Variants in NAALADL2 observed in about 807,000 individuals in gnomAD.
NAALADL2 encodes the protein inactive N-acetylated-alpha-linked acidic dipeptidase-like protein 2.
In NAALADL2, 76 loss-of-function variants were observed where a neutral mutation model predicts 87.2. That is an observed-to-expected ratio of 0.87 (90% CI 0.72 to 1.05). The LOEUF is 1.05. Among genes scored for constraint, NAALADL2 ranks in the 50% least tolerant of loss-of-function variants. The pLI is 0.00. For synonymous variants in NAALADL2, 354 were observed against 331.0 expected (o/e 1.07, Z -0.75); for missense variants, 1,089 against 945.8 (o/e 1.15, Z -1.99).
chr3:175,127,536 G>A (rs899034872), intron 2 of NAALADL2, among the ~76,000 whole-genome samples: 1 of 152,122 alleles, frequency 6.6e-6, no homozygotes, highest in African/African-American at 2.4e-5. Context: ...GATATTAATA[G>A]AATCTGAAGA....
chr3:174,517,743 C>T (rs1041780496), intron 1 of NAALADL2, among the ~76,000 whole-genome samples: 1 of 152,076 alleles, frequency 6.6e-6, no homozygotes, highest in African/African-American at 2.4e-5. Flanking sequence ...ATTGATGATA[C>T]AAGGAATTAT....
intron 4 of NAALADL2, among the ~76,000 whole-genome samples, chr3:175,322,038 G>A (rs940048187): frequency 5.3e-5 from 8 of 151,770 alleles, no homozygotes; most frequent in African/African-American, 9.7e-5. Context: ...AAGTCAATCC[G>A]AAGCCAAAAG....
intron 3 of NAALADL2, among the ~76,000 whole-genome samples, chr3:174,825,315 T>TG (rs1221866294): frequency 2.0e-5 from 3 of 152,162 alleles, no homozygotes; most frequent in Admixed American, 1.3e-4. Context: ...CCTGATAACT[T>TG]GGGGGAAGTC....
At chr3:174,845,890 G>A (rs1396160403) in intron 3 of NAALADL2, among the ~76,000 whole-genome samples, 1 of 152,204 alleles carries the variant, frequency 6.6e-6, no homozygotes, top group African/African-American at 2.4e-5. Flanking sequence ...AATGGACGAG[G>A]TTGGTGGTCA....
intron 6 of NAALADL2, among the ~76,000 whole-genome samples, chr3:175,458,305 T>A (rs1722621362): frequency 6.6e-6 from 1 of 151,820 alleles, no homozygotes; most frequent in African/African-American, 2.4e-5. Context: ...TACATTTGTA[T>A]GTAAGTATAT....
intron 13 of NAALADL2, among the ~76,000 whole-genome samples, chr3:175,787,852 G>A (rs887737395): frequency 6.6e-6 from 1 of 152,074 alleles, no homozygotes; most frequent in Admixed American, 6.6e-5. Flanking sequence ...AAATTACAAA[G>A]TTCATAAAGT....
intron 10 of NAALADL2, among the ~76,000 whole-genome samples, chr3:175,586,757 C>T (rs1472560596): frequency 6.6e-6 from 1 of 152,100 alleles, no homozygotes; most frequent in African/African-American, 2.4e-5. Flanking sequence ...ATACTACATG[C>T]TTACAAATAA....
intron 1 of NAALADL2, among the ~76,000 whole-genome samples, chr3:175,031,465 C>T (rs1050317532): frequency 3.3e-5 from 5 of 151,980 alleles, no homozygotes; most frequent in African/African-American, 1.2e-4. Context: ...TTTTTTATTG[C>T]TGCGTAGTAT....
chr3:174,818,577 G>T (rs1721052034), intron 3 of NAALADL2, among the ~76,000 whole-genome samples: 1 of 152,080 alleles, frequency 6.6e-6, no homozygotes, highest in Non-Finnish European at 1.5e-5. Context: ...TGTCACCTTT[G>T]TCTTGGATTT....
At chr3:175,678,120 A>G (rs1208433081) in intron 11 of NAALADL2, among the ~76,000 whole-genome samples, 1 of 152,184 alleles carries the variant, frequency 6.6e-6, no homozygotes, top group Non-Finnish European at 1.5e-5. Flanking sequence ...TCAGAGGTTA[A>G]GTTTTCTTTT....
At chr3:175,035,012 A>G (rs1447661840) in intron 1 of NAALADL2, among the ~76,000 whole-genome samples, 1 of 152,176 alleles carries the variant, frequency 6.6e-6, no homozygotes, top group Non-Finnish European at 1.5e-5. Context: ...TAGGTATTCA[A>G]GAGATATTTG....
chr3:174,604,099 T>A lies in NAALADL2; in HGVS notation c.-115+53462T>A, dbSNP rs140738407. ...TTTATTTGGTCTATAGTGCAATTTA[T>A]ATCCAATATTTTTGTTGTCGTTGAT... On this transcript the variant is annotated intron_variant, in intron 2 of 3. Coordinates refer to the NAALADL2 transcript ENST00000434257. 4.8e-4 allele frequency among the ~76,000 whole-genome samples: 73 copies of A among 152,278 alleles called. 2 individuals carry two copies. The East Asian group carries it at 0.01, about 21-fold the overall frequency.
intron 1 of NAALADL2, among the ~76,000 whole-genome samples, chr3:175,088,837 T>C (rs1719545806): frequency 6.6e-6 from 1 of 152,176 alleles, no homozygotes; most frequent in South Asian, 2.1e-4. Flanking sequence ...GTGATTGTCT[T>C]GAGGTGTTAA....
At chr3:175,383,047 T>A (rs1264983273) in intron 5 of NAALADL2, among the ~76,000 whole-genome samples, 2 of 152,084 alleles carry the variant, frequency 1.3e-5, no homozygotes, top group African/African-American at 2.4e-5. Context: ...TTTAAGTTTT[T>A]AATTATGGAT....
At chr3:174,857,535 T>A (rs1725990794), upstream of NAALADL2, among the ~76,000 whole-genome samples, 1 of 152,172 alleles carries the variant, frequency 6.6e-6, no homozygotes, top group Non-Finnish European at 1.5e-5. Flanking sequence ...GTAAATATAT[T>A]TCCAAGTTTG....
At chr3:175,527,562 GAGTT>G (rs1351248892) in intron 9 of NAALADL2, among the ~76,000 whole-genome samples, 1 of 152,094 alleles carries the variant, frequency 6.6e-6, no homozygotes, top group Non-Finnish European at 1.5e-5. Flanking sequence ...TCAAATGAGT[GAGTT>G]AGTCAAGTGG....
At chr3:175,270,356 A>G (rs1752636219) in intron 4 of NAALADL2, among the ~76,000 whole-genome samples, 2 of 152,204 alleles carry the variant, frequency 1.3e-5, no homozygotes, top group African/African-American at 4.8e-5. Context: ...AGTATGGTAA[A>G]AATCAACTAG....
intron 13 of NAALADL2, among the ~76,000 whole-genome samples, chr3:175,757,194 A>G (rs943121710): frequency 2.0e-5 from 3 of 152,002 alleles, no homozygotes; most frequent in Non-Finnish European, 2.9e-5. Context: ...TAGACATACT[A>G]TGTATAAACA....
chr3:175,645,241 C>G (rs147051483), intron 11 of NAALADL2, among the ~76,000 whole-genome samples: 2 of 151,950 alleles, frequency 1.3e-5, no homozygotes, highest in African/African-American at 4.8e-5. Flanking sequence ...CTATATCATA[C>G]TGCCTCACAT....
Sources: allele counts gnomAD v4.1 joint callset (sites outside exome capture counted in the v4.1 genomes callset), GRCh38; gene constraint gnomAD v4.1.1; transcripts MANE v1.5; gene names NCBI Gene and HGNC (gene_info 2026-07-23, HGNC 2026-07-21).